The following ANKRD12 variants were observed in gnomAD, a reference collection of about 807,000 sequenced individuals.
ANKRD12 encodes ankyrin repeat domain-containing protein 12.
Under a neutral mutation model 183.4 loss-of-function variants are expected in ANKRD12, and 85 were observed. The ratio of observed to expected loss-of-function variants is 0.46; its 90% CI spans 0.39 to 0.56. The LOEUF (loss-of-function observed/expected upper bound fraction) is 0.56, where lower values mean the gene tolerates loss of function less well. ANKRD12 is among the 20% of genes least tolerant of loss of function. The pLI, the probability that ANKRD12 is intolerant of heterozygous loss-of-function variation, is 0.00. For synonymous variants in ANKRD12, 914 were observed against 800.2 expected, an observed-to-expected ratio of 1.14 and a Z score of -2.40; for missense variants, 2,405 against 2,357.1, an observed-to-expected ratio of 1.02 and a Z score of -0.42.
chr18:9,167,415 C>T (rs1192366038), intron 1 of ANKRD12, among the ~76,000 whole-genome samples: 1 of 152,102 alleles, frequency 6.6e-6, no homozygotes, highest in Non-Finnish European at 1.5e-5. Flanking sequence ...TGTAGTTCTC[C>T]TTGAAGAAGT....
chr18:9,267,191 A>G (rs1172911744), intron 10 of ANKRD12, among the ~76,000 whole-genome samples: 1 of 152,206 alleles, frequency 6.6e-6, no homozygotes, highest in African/African-American at 2.4e-5. Context: ...TTAACACCCC[A>G]CTGTCAACAT....
chr18:9,217,477 CAG>C (rs1417285608), intron 7 of ANKRD12, among the ~76,000 whole-genome samples: 1 of 152,120 alleles, frequency 6.6e-6, no homozygotes, highest in Admixed American at 6.5e-5. Flanking sequence ...CTAGAAGTAT[CAG>C]GGGTAAAAGA....
At chr18:9,280,051 C>A (rs2040037075) in intron 12 of ANKRD12, among the ~76,000 whole-genome samples, 1 of 152,126 alleles carries the variant, frequency 6.6e-6, no homozygotes, top group South Asian at 2.1e-4. Context: ...AATTTGAAAT[C>A]TCATAATTTG....
At chr18:9,263,691 T>C in intron 9 of ANKRD12, 99 bp from the exon 10 acceptor site, 1 of 774,216 alleles carries the variant, frequency 1.3e-6, no homozygotes, top group South Asian at 3.7e-5. Flanking sequence ...GACATCAGAA[T>C]TTGTTTTTTT....
rs35616364 is a variant in ANKRD12 at position 9,150,964 on chromosome 18, T to TAA, written c.-52+14008_-52+14009dup. 1.3e-3 allele frequency among the ~76,000 whole-genome samples: 196 copies of TAA among 150,946 alleles called. 1 individual carries two copies. The highest frequency in any genetic ancestry group is 1.5e-3 in the Non-Finnish European group (102 of 67,672). ...CATCGCGCCCAGCCAATTTTGTGAT[T>TAA]AAAAAAAAAATGATGCTAATTTCTT... is the stretch of plus-strand genomic sequence containing the variant. On this transcript the variant is annotated intron_variant, in intron 1 of 12. Coordinates refer to ENST00000262126, the MANE Select transcript of ANKRD12 (RefSeq NM_015208.5).
chr18:9,271,902 G>C (rs914149057), intron 10 of ANKRD12, among the ~76,000 whole-genome samples: 3 of 152,080 alleles, frequency 2.0e-5, no homozygotes, highest in African/African-American at 7.2e-5. Context: ...CTATCTTCAG[G>C]TTTCTTGAGG....
intron 9 of ANKRD12, chr18:9,259,246 ATAT>A (rs1375977927): frequency 3.6e-4 from 65 of 181,354 alleles, no homozygotes; most frequent in African/African-American, 1.4e-3. Context: ...CAGGTGAACC[ATAT>A]TATGTTGCTG....
At position 9,257,323 on chromosome 18, in the gene ANKRD12, A is replaced by G; in HGVS notation, c.4056A>G (p.Ser1352=). ...CTTCTCCCAAACCTGAGGTATTCTC[A>G]AATGTGCCTGAAAGAGACCTTTCAA... ...TSPSPKPEVF[S]NVPERDLSNV... is the part of the protein sequence containing the mutation. The change falls in exon 9 of 13, where the codon TCA becomes TCG. Residue 1352 remains serine, a synonymous_variant. Transcript: ENST00000262126. The G allele has an allele frequency of 6.2e-6, 10 of 1,614,018 alleles. No individual in the cohort carries two copies. Among genetic ancestry groups the G allele is most frequent in the Non-Finnish European group, 8.5e-6 (10 of 1,179,896 alleles).
chr18:9,186,625 C>T (rs922013739), intron 2 of ANKRD12, among the ~76,000 whole-genome samples: 1 of 152,014 alleles, frequency 6.6e-6, no homozygotes, highest in East Asian at 1.9e-4. Flanking sequence ...GTTTTTATTC[C>T]AAAGATGCTA....
intron 1 of ANKRD12, among the ~76,000 whole-genome samples, chr18:9,175,602 A>T (rs1250080855): frequency 8.0e-6 from 1 of 124,754 alleles, no homozygotes; most frequent in Non-Finnish European, 1.6e-5. Flanking sequence ...ATCTCGGCTC[A>T]CTGCAAATTC....
At chr18:9,247,785 T>G (rs2038052017) in intron 8 of ANKRD12, among the ~76,000 whole-genome samples, 1 of 135,028 alleles carries the variant, frequency 7.4e-6, no homozygotes, top group Admixed American at 7.0e-5. Flanking sequence ...TGGGGTTTTT[T>G]TGTTTTGTTT....
rs138687211 is a variant in ANKRD12, at chr18:9,253,474, G to A, written c.944-737G>A. ...TCTGGCTTATTTCACTTAAAGTACTGTCCTCCAGTTCCATCCATGTTGTGA... is the reference window on the plus strand; with the variant it reads ...TCTGGCTTATTTCACTTAAAGTACTATCCTCCAGTTCCATCCATGTTGTGA... On this transcript the variant is annotated intron_variant, in intron 8 of 12. Coordinates refer to ENST00000262126, the MANE Select transcript of ANKRD12 (RefSeq NM_015208.5). Among the ~76,000 whole-genome samples the A allele has an allele frequency of 1.2e-4, 19 of 152,182 alleles. No homozygotes were observed. In the East Asian group the frequency reaches 3.3e-3, roughly 26 times the overall value.
At chr18:9,197,398 A>T (rs903963445) in intron 3 of ANKRD12, among the ~76,000 whole-genome samples, 1 of 152,184 alleles carries the variant, frequency 6.6e-6, no homozygotes, top group Non-Finnish European at 1.5e-5. Flanking sequence ...CAAAATTTTG[A>T]TGGATTTAAA....
At chr18:9,235,011 T>A (rs2037263560) in intron 8 of ANKRD12, among the ~76,000 whole-genome samples, 1 of 152,180 alleles carries the variant, frequency 6.6e-6, no homozygotes, top group African/African-American at 2.4e-5. Context: ...TCCTGTGACT[T>A]CTCTGTTGGA....
At chr18:9,217,209 A>G (rs919149673) in intron 7 of ANKRD12, among the ~76,000 whole-genome samples, 2 of 152,332 alleles carry the variant, frequency 1.3e-5, no homozygotes, top group East Asian at 1.9e-4. Flanking sequence ...TAAAAATTGT[A>G]CAGTGTTGAA....
intron 1 of ANKRD12, among the ~76,000 whole-genome samples, chr18:9,145,587 T>A (rs1265943086): frequency 6.6e-6 from 1 of 152,178 alleles, no homozygotes; most frequent in Non-Finnish European, 1.5e-5. Context: ...TTCCATCACG[T>A]TGTAAATGGT....
chr18:9,176,716 A>G (rs1473166877), intron 1 of ANKRD12, among the ~76,000 whole-genome samples: 1 of 152,238 alleles, frequency 6.6e-6, no homozygotes, highest in African/African-American at 2.4e-5. Flanking sequence ...TTGGTACCTC[A>G]GAATAGCAAC....
At chr18:9,163,795 T>C (rs1177347662) in intron 1 of ANKRD12, among the ~76,000 whole-genome samples, 1 of 152,224 alleles carries the variant, frequency 6.6e-6, no homozygotes, top group Non-Finnish European at 1.5e-5. Flanking sequence ...GTAGCAATTA[T>C]GAATGGGAAT....
intron 7 of ANKRD12, among the ~76,000 whole-genome samples, chr18:9,218,544 G>C (rs1490219593): frequency 3.3e-5 from 5 of 152,082 alleles, no homozygotes; most frequent in African/African-American, 1.2e-4. Context: ...GGGAAAAGCA[G>C]AAATATAACG....
Sources: allele counts gnomAD v4.1 joint callset (sites outside exome capture counted in the v4.1 genomes callset), GRCh38; gene constraint gnomAD v4.1.1; transcripts MANE v1.5; gene names NCBI Gene and HGNC (gene_info 2026-07-23, HGNC 2026-07-21).